Variants in SCN9A observed in about 807,000 individuals in gnomAD.
SCN9A encodes the protein sodium channel protein type 9 subunit alpha.
A neutral mutation model predicts 187.0 loss-of-function variants in SCN9A; 131 were observed. That is an observed-to-expected ratio of 0.70 (90% CI 0.61 to 0.81). The LOEUF (loss-of-function observed/expected upper bound fraction) is 0.81, where lower values mean the gene tolerates loss of function less well. SCN9A is among the 30% of genes least tolerant of loss of function. The probability of loss-of-function intolerance (pLI) is 0.00; values close to 1 mark genes in which losing one functional copy is unlikely to be tolerated. For missense variants in SCN9A, 2,252 were observed against 2,396.6 expected (o/e 0.94, Z 1.26); for synonymous variants, 809 against 808.6 (o/e 1.00, Z -0.01).
chr2:166,237,039 C>T (rs1695348495), intron 20 of SCN9A, among the ~76,000 whole-genome samples: 3 of 151,864 alleles, frequency 2.0e-5, no homozygotes, highest in South Asian at 4.2e-4. Context: ...TCCCTAAACA[C>T]AAAGGTTAGG....
chr2:166,263,067 A>G (rs947044029), intron 17 of SCN9A, among the ~76,000 whole-genome samples: 3 of 151,890 alleles, frequency 2.0e-5, no homozygotes, highest in Non-Finnish European at 4.4e-5. Flanking sequence ...CCCCAAGGTT[A>G]TACCCTTCTC....
intron 1 of SCN9A, among the ~76,000 whole-genome samples, chr2:166,343,623 G>T (rs73025528): frequency 0.073 from 11,112 of 152,016 alleles, 1,237 homozygotes; most frequent in African/African-American, 0.24. Flanking sequence ...GGAAGGCCAG[G>T]TGTGATGGCT....
At chr2:166,313,058 ATTAT>A (rs919955776) in intron 1 of SCN9A, among the ~76,000 whole-genome samples, 2 of 21,724 alleles carry the variant, frequency 9.2e-5, no homozygotes, top group African/African-American at 5.8e-4. Context: ...AAAGAATATA[ATTAT>A]TTAATTTTCT....
intron 24 of SCN9A, among the ~76,000 whole-genome samples, chr2:166,207,781 G>T (rs1315475740): frequency 1.3e-5 from 2 of 152,086 alleles, no homozygotes; most frequent in Non-Finnish European, 2.9e-5. Context: ...TATTTAATAT[G>T]CAGTCTTTAT....
chr2:166,266,504 AG>A, intron 17 of SCN9A, among the ~76,000 whole-genome samples: 1 of 149,886 alleles, frequency 6.7e-6, no homozygotes, highest in Middle Eastern at 3.5e-3. Flanking sequence ...TGAAGCCATC[AG>A]CTTTGTTCTT....
chr2:166,270,316 A>G (rs1696918461), intron 17 of SCN9A, among the ~76,000 whole-genome samples: 1 of 152,116 alleles, frequency 6.6e-6, no homozygotes, highest in African/African-American at 2.4e-5. Flanking sequence ...TAATCTGAAG[A>G]TAATTTAAAG....
intron 2 of SCN9A, among the ~76,000 whole-genome samples, chr2:166,308,959 A>G (rs1456412047): frequency 6.6e-6 from 1 of 150,402 alleles, no homozygotes; most frequent in African/African-American, 2.4e-5. Flanking sequence ...TAATACATGT[A>G]TAGTCAGAAA....
chr2:166,340,677 G>A (rs1699764395), intron 1 of SCN9A, among the ~76,000 whole-genome samples: 1 of 150,444 alleles, frequency 6.6e-6, no homozygotes, highest in African/African-American at 2.4e-5. Flanking sequence ...CTGTAGTGCA[G>A]TAGTGCATTG....
intron 14 of SCN9A, among the ~76,000 whole-genome samples, chr2:166,278,934 A>T (rs7597740): frequency 6.6e-6 from 1 of 152,038 alleles, no homozygotes; most frequent in Non-Finnish European, 1.5e-5. Context: ...CTTTGGGTAC[A>T]CTTTGACTCA....
chr2:166,340,433 C>T (rs1420284121), intron 1 of SCN9A, among the ~76,000 whole-genome samples: 4 of 151,982 alleles, frequency 2.6e-5, no homozygotes, highest in South Asian at 4.1e-4. Context: ...GGCTTCTAAT[C>T]GTTAAGACTT....
chr2:166,304,396 T>G, intron 5 of SCN9A, 67 bp from the exon 6 acceptor site: 10 of 1,384,490 alleles, frequency 7.2e-6, no homozygotes, highest in Non-Finnish European at 1.0e-5. Context: ...GAGCCTTTAG[T>G]CAAGGTATTT....
chr2:166,284,947 A>G (rs1697672677), intron 11 of SCN9A, 123 bp from the exon 12 acceptor site: 2 of 1,039,516 alleles, frequency 1.9e-6, no homozygotes, highest in African/African-American at 1.6e-5. Context: ...TAAAAGAAAC[A>G]TACTTAAAAA....
intron 1 of SCN9A, among the ~76,000 whole-genome samples, chr2:166,362,825 C>T (rs1700318786): frequency 6.6e-6 from 1 of 151,974 alleles, no homozygotes; most frequent in South Asian, 2.1e-4. Context: ...CACAACAATT[C>T]AATGACAAAG....
rs764060579 is a variant in SCN9A, at chr2:166,242,611, C to G, written c.3518G>C (p.Gly1173Ala). 8 of 1,555,108 alleles carry G rather than the reference C, an allele frequency of 5.1e-6. No individual in the cohort carries two copies. The South Asian group carries it at 9.5e-5, about 18-fold the overall frequency. Residue 1173 changes from glycine to alanine, a missense_variant, in exon 19 of 27, where the codon GGG (glycine) becomes GCG (alanine). Gly to Ala is a moderately conservative substitution (Grantham distance 60, BLOSUM62 0). Around this residue, in one of 7 missense-constraint regions of SCN9A, gnomAD observed 313 missense variants for 295.3 expected, o/e 1.06. Coordinates refer to ENST00000642356, the MANE Select transcript of SCN9A (RefSeq NM_001365536.1). Reference protein sequence around the residue: ...FSCCQVNIESGKGKIWWNIRK... With the variant: ...FSCCQVNIESAKGKIWWNIRK... The stretch of plus-strand genomic sequence containing the variant: ...GATGTTCCACCAGATTTTTCCTTTC[C>G]CTGACTCTATGTTAACTTGGCAGCA...
At chr2:166,229,026 GC>G in intron 21 of SCN9A, 54 bp from the exon 22 acceptor site, 1 of 1,400,104 alleles carries the variant, frequency 7.1e-7, no homozygotes. Flanking sequence ...TGTTAAATAG[GC>G]AACATGAAAG....
chr2:166,311,330 CTATATATATATA>C lies in SCN9A; in HGVS notation c.258+157_258+168del, dbSNP rs10688081. Among the ~76,000 whole-genome samples, 195 of 46,712 alleles carry C rather than the reference CTATATATATATA, an allele frequency of 4.2e-3. 4 individuals are homozygous for C. The highest frequency in any genetic ancestry group is 0.014 in the African/African-American group (156 of 11,416). The allele number at this position is 46,712 out of a possible 152,430, so 30.6% of individuals were successfully genotyped here. A position where few individuals can be genotyped will look rare whatever the true frequency, so the allele number is the denominator to read the frequency against. ...TGAAAAAGTACAGATTCTGAATATC[CTATATATATATA>C]TATATATATATATATATATATATAT... On this transcript the variant is annotated intron_variant, in intron 2 of 26. Transcript: ENST00000642356.
rs538368525 is a variant in SCN9A at position 166,300,678 on chromosome 2, A to G, written c.901+2412T>C. Among the ~76,000 whole-genome samples, 4 of 151,034 alleles carry G rather than the reference A, an allele frequency of 2.6e-5. No homozygotes were observed. The South Asian group carries it at 6.2e-4, about 23-fold the overall frequency. Reference sequence around the variant, plus strand: ...AAATGAAAGTTTGAATCAATTATGCAGTCAAAAATGGCTTCTATGACATAG... The same window carrying G: ...AAATGAAAGTTTGAATCAATTATGCGGTCAAAAATGGCTTCTATGACATAG... On this transcript the variant is annotated intron_variant, in intron 7 of 26. Coordinates refer to ENST00000642356, the MANE Select transcript of SCN9A (RefSeq NM_001365536.1).
chr2:166,291,931 T>C (rs554536149), intron 9 of SCN9A, among the ~76,000 whole-genome samples: 60 of 152,240 alleles, frequency 3.9e-4, no homozygotes, highest in African/African-American at 1.3e-3. Context: ...TCAAGATGGA[T>C]TAAAGACTTA....
intron 24 of SCN9A, among the ~76,000 whole-genome samples, chr2:166,215,503 A>G (rs1359418297): frequency 2.0e-5 from 3 of 152,062 alleles, no homozygotes; most frequent in Non-Finnish European, 4.4e-5. Flanking sequence ...AAAAGATAAA[A>G]TCGAAAAACC....
Sources: gnomAD v4.1 joint callset for allele counts (sites outside exome capture counted in the v4.1 genomes callset) on GRCh38, gnomAD v4.1.1 for gene constraint, gnomAD v4.1.1 regional missense constraint, MANE v1.5 for transcripts, NCBI Gene and HGNC (gene_info 2026-07-23, HGNC 2026-07-21) for gene names.